The following NFASC variants were observed in gnomAD, a reference collection of about 807,000 sequenced individuals.
NFASC encodes the protein neurofascin homolog.
Under a neutral mutation model 147.5 loss-of-function variants are expected in NFASC, and 43 were observed. The observed-to-expected ratio is 0.29, with a 90% confidence interval of 0.23 to 0.38. The LOEUF is 0.38. NFASC is among the 10% of genes least tolerant of loss of function. The probability of loss-of-function intolerance (pLI) is 1.00; values close to 1 mark genes in which losing one functional copy is unlikely to be tolerated. For synonymous variants in NFASC, 622 were observed against 665.5 expected, an observed-to-expected ratio of 0.93 and a Z score of 1.01; for missense variants, 1,320 against 1,689.0, an observed-to-expected ratio of 0.78 and a Z score of 3.83.
At chr1:204,904,084 G>T (rs192674231) in intron 1 of NFASC, among the ~76,000 whole-genome samples, 12 of 152,102 alleles carry the variant, frequency 7.9e-5, no homozygotes, top group South Asian at 2.1e-4. Flanking sequence ...CTTCTTCTTC[G>T]AGTTTTTCGT....
In NFASC at chr1:205,021,956, T is replaced by C. The variant is rs1431247014; in HGVS notation, c.*5417T>C. ...TCTTGCTTTGTAACACATCGGGCCT[T>C]CAGTGTGCTGTATTCCTCAGAAGTG... On this transcript the variant is annotated 3_prime_UTR_variant, in exon 30 of 30. Coordinates refer to ENST00000339876, the MANE Select transcript of NFASC (RefSeq NM_001005388.3). 1 of 152,658 alleles carries C rather than the reference T, an allele frequency of 6.6e-6. No individual in the cohort carries two copies. Among genetic ancestry groups the C allele is most frequent in the Non-Finnish European group, 1.5e-5 (1 of 68,052 alleles). The allele number at this position is 152,658 out of a possible 1,614,324, so 9.5% of individuals were successfully genotyped here. A position where few individuals can be genotyped will look rare whatever the true frequency, so the allele number is the denominator to read the frequency against.
Position 204,986,525 on chromosome 1 carries a change from G to A in NFASC, c.2471-893G>A, listed in dbSNP as rs771432066. 8 of 229,872 alleles carry A rather than the reference G, an allele frequency of 3.5e-5. No individual in the cohort carries two copies. The highest frequency in any genetic ancestry group is 6.2e-5 in the Non-Finnish European group (7 of 113,788). 14.2% of individuals were successfully genotyped at this position (229,872 alleles called of 1,614,324 possible). A position where few individuals can be genotyped will look rare whatever the true frequency, so the allele number is the denominator to read the frequency against. Reference sequence around the variant, plus strand: ...TCTCCCCCCACGTTCTCAAGAAGCCGTCACTGAAATAGTCGGCCTGTGTGT... The same window carrying A: ...TCTCCCCCCACGTTCTCAAGAAGCCATCACTGAAATAGTCGGCCTGTGTGT... On this transcript the variant is annotated intron_variant, in intron 21 of 29. Coordinates refer to ENST00000339876, the MANE Select transcript of NFASC (RefSeq NM_001005388.3). The surrounding 1 kb of genome is among the most constrained non-coding windows in gnomAD (Gnocchi z 4.2).
intron 21 of NFASC, 39 bp downstream of exon 21, chr1:204,982,059 G>A (rs2095518966): frequency 1.5e-6 from 2 of 1,378,558 alleles, no homozygotes; most frequent in Non-Finnish European, 1.9e-6. Context: ...CAGGACCCTT[G>A]TGGCTAGGTC....
rs1231513420 is a variant in NFASC, at chr1:204,986,200, C to A, written c.2471-1218C>A. The A allele has an allele frequency of 2.0e-6, 2 of 1,001,796 alleles. No homozygotes were observed. Among genetic ancestry groups the A allele is most frequent in the South Asian group, 1.4e-5 (1 of 72,814 alleles). The allele number at this position is 1,001,796 out of a possible 1,614,324, so 62.1% of individuals were successfully genotyped here. ...CTGGAGAAACTCCAGCGTGGCTCAG[C>A]ATGGATGGCACAAGGTGACTTCTGC... On this transcript the variant is annotated intron_variant, in intron 21 of 29. Coordinates refer to ENST00000339876, the MANE Select transcript of NFASC (RefSeq NM_001005388.3). The surrounding 1 kb of genome is among the most constrained non-coding windows in gnomAD (Gnocchi z 4.2).
intron 7 of NFASC, 66 bp downstream of exon 7, chr1:204,955,017 G>T: frequency 6.4e-7 from 1 of 1,571,130 alleles, no homozygotes; most frequent in Non-Finnish European, 8.7e-7. Context: ...GGTGTGTTAA[G>T]TGGGGAGGGG....
chr1:204,935,023 C>A (rs1472599778), intron 2 of NFASC, among the ~76,000 whole-genome samples: 1 of 152,184 alleles, frequency 6.6e-6, no homozygotes, highest in African/African-American at 2.4e-5. Context: ...GGGAAACAGA[C>A]AATTAATTGA....
At chr1:204,886,852 T>G (rs1261188966) in intron 1 of NFASC, among the ~76,000 whole-genome samples, 2 of 152,174 alleles carry the variant, frequency 1.3e-5, no homozygotes, top group African/African-American at 4.8e-5. Context: ...GACTGTAGGT[T>G]CTTACCATTT....
intron 24 of NFASC, among the ~76,000 whole-genome samples, chr1:204,995,393 T>C (rs1238409691): frequency 6.6e-6 from 1 of 151,432 alleles, no homozygotes; most frequent in Non-Finnish European, 1.5e-5. Context: ...TTCCCTCTTG[T>C]TGAGTGTTTT....
intron 3 of NFASC, among the ~76,000 whole-genome samples, chr1:204,946,034 G>A (rs772000152): frequency 3.3e-5 from 5 of 152,048 alleles, no homozygotes; most frequent in South Asian, 2.1e-4. Flanking sequence ...TACAGGAAAC[G>A]GAGACACAGC....
At chr1:204,988,931 C>A in intron 23 of NFASC, 125 bp downstream of exon 23, 1 of 880,432 alleles carries the variant, frequency 1.1e-6, no homozygotes. Flanking sequence ...GTCCTCAAGC[C>A]CTCGGAAGGT....
At chr1:204,951,268 C>T (rs572560508) in intron 4 of NFASC, among the ~76,000 whole-genome samples, 7 of 150,954 alleles carry the variant, frequency 4.6e-5, no homozygotes, top group Non-Finnish European at 8.8e-5. Flanking sequence ...CCTGCCTCAG[C>T]CTCCCGAGTA....
intron 2 of NFASC, among the ~76,000 whole-genome samples, chr1:204,933,401 G>A (rs2092542826): frequency 6.6e-6 from 1 of 152,136 alleles, no homozygotes; most frequent in South Asian, 2.1e-4. Context: ...CAATTCCCAG[G>A]TGTCTGGCTT....
At chr1:204,862,738 G>A (rs2076774603) in intron 1 of NFASC, among the ~76,000 whole-genome samples, 1 of 152,220 alleles carries the variant, frequency 6.6e-6, no homozygotes, top group African/African-American at 2.4e-5. Flanking sequence ...GGAAGGGGAA[G>A]TTGCTATTTT....
chr1:204,997,159 T>A lies in NFASC; in HGVS notation c.2783-11T>A, dbSNP rs752990150. The A allele has an allele frequency of 6.2e-7, 1 of 1,603,310 alleles. No individual in the cohort carries two copies. The highest frequency in any genetic ancestry group is 1.1e-5 in the South Asian group (1 of 90,370). On this transcript the variant is annotated splice_polypyrimidine_tract_variant and intron_variant, in intron 24 of 29. Transcript: ENST00000339876. ...CCAACCAGACTCGGCTGTTTTACAT[T>A]TCCCTCTCAGCTCCTCCCACATTGC...
chr1:204,973,800 C>T (rs2595948), intron 12 of NFASC, among the ~76,000 whole-genome samples: 140,438 of 152,128 alleles, frequency 0.92, 65,664 homozygotes, highest in East Asian at 0.99. Context: ...CCCCTGGGTT[C>T]GCAGCTGGAT....
intron 1 of NFASC, among the ~76,000 whole-genome samples, chr1:204,838,650 G>A (rs1453744961): frequency 2.0e-5 from 3 of 152,176 alleles, no homozygotes; most frequent in African/African-American, 7.2e-5. Flanking sequence ...GTGGGGTGAG[G>A]TGGGGTGGGG....
At chr1:204,880,223 T>TTA (rs2079890554) in intron 1 of NFASC, among the ~76,000 whole-genome samples, 1 of 152,218 alleles carries the variant, frequency 6.6e-6, no homozygotes, top group Non-Finnish European at 1.5e-5. Flanking sequence ...TCTACCTGCG[T>TTA]GAGCTAAGAG....
At chr1:204,886,334 A>G (rs997395177) in intron 1 of NFASC, among the ~76,000 whole-genome samples, 1 of 152,216 alleles carries the variant, frequency 6.6e-6, no homozygotes, top group East Asian at 1.9e-4. Context: ...TTGCTACTTT[A>G]TATTTACATC....
chr1:204,977,892 A>G (rs2095438919), intron 17 of NFASC, among the ~76,000 whole-genome samples, 167 bp downstream of exon 17: 1 of 152,036 alleles, frequency 6.6e-6, no homozygotes, highest in Non-Finnish European at 1.5e-5. Context: ...CCACCTCCCC[A>G]CGGCCCTTTG....
Sources: gnomAD v4.1 joint callset for allele counts (sites outside exome capture counted in the v4.1 genomes callset) on GRCh38, gnomAD v4.1.1 for gene constraint, Gnocchi (gnomAD v3.1) non-coding constraint, MANE v1.5 for transcripts, NCBI Gene and HGNC (gene_info 2026-07-23, HGNC 2026-07-21) for gene names.